Variants in SLC25A42 observed in about 807,000 individuals in gnomAD.
SLC25A42 encodes the protein mitochondrial coenzyme A transporter SLC25A42.
SLC25A42 carries 19 observed loss-of-function variants against 34.7 expected under a neutral mutation model. The ratio of observed to expected loss-of-function variants is 0.55; its 90% confidence interval spans 0.38 to 0.80. SLC25A42 has a LOEUF of 0.80. Among genes scored for constraint, SLC25A42 ranks in the 30% least tolerant of loss-of-function variants. SLC25A42 has a pLI of 0.00. For synonymous variants in SLC25A42, 205 were observed against 191.2 expected (o/e 1.07, Z -0.59); for missense variants, 364 against 441.3 (o/e 0.82, Z 1.57).
At chr19:19,078,694 C>T (rs533453040) in intron 1 of SLC25A42, among the ~76,000 whole-genome samples, 4 of 152,224 alleles carry the variant, frequency 2.6e-5, no homozygotes, top group African/African-American at 9.6e-5. Flanking sequence ...AAAGGGAGAC[C>T]CAAGGTCATG....
intron 1 of SLC25A42, among the ~76,000 whole-genome samples, chr19:19,084,547 C>T (rs1050400034): frequency 1.3e-5 from 2 of 152,154 alleles, no homozygotes; most frequent in Non-Finnish European, 2.9e-5. Flanking sequence ...GAGAGACAGC[C>T]GTCCCTGTGG....
At chr19:19,089,869 A>AAATAACAAAAAC (rs1555766875) in intron 1 of SLC25A42, among the ~76,000 whole-genome samples, 1 of 151,402 alleles carries the variant, frequency 6.6e-6, no homozygotes, top group African/African-American at 2.4e-5. Flanking sequence ...ACTCCGTCTC[A>AAATAACAAAAAC]AAAAACAAAA....
At chr19:19,069,802 A>C (rs1257926582) in intron 1 of SLC25A42, among the ~76,000 whole-genome samples, 1 of 150,010 alleles carries the variant, frequency 6.7e-6, no homozygotes, top group Non-Finnish European at 1.5e-5. Context: ...CTATAGGCGC[A>C]GGCCACCACT....
At chr19:19,082,166 C>T (rs1047658979) in intron 1 of SLC25A42, among the ~76,000 whole-genome samples, 3 of 152,180 alleles carry the variant, frequency 2.0e-5, no homozygotes, top group African/African-American at 7.2e-5. Flanking sequence ...AGGCGTAAAG[C>T]AACACATTTG....
At position 19,105,712 on chromosome 19, in the gene SLC25A42, A is replaced by G. The variant is rs778129613; in HGVS notation, c.365A>G (p.Tyr122Cys). ...EEYKRILGSY[Y>C]GFRGEALPPW... ...TACAAGCGCATCCTGGGCAGCTACT[A>G]TGGCTTCCGTGGAGAGTGAGGCCCC... Residue 122 changes from tyrosine (Y) to cysteine (C), a missense_variant, in exon 5 of 8, where the codon TAT becomes TGT. By Grantham distance (194) the Tyr-to-Cys change is radical (BLOSUM62 -2). Coordinates refer to ENST00000318596, the MANE Select transcript of SLC25A42 (RefSeq NM_178526.5). The G allele has an allele frequency of 1.2e-5, 19 of 1,589,882 alleles. No individual in the cohort carries two copies. Among genetic ancestry groups the G allele is most frequent in the African/African-American group, 4.0e-5 (3 of 74,324 alleles).
chr19:19,110,946 G>C lies in SLC25A42; in HGVS notation c.*70G>C, dbSNP rs756410811. The C allele has an allele frequency of 5.2e-6, 8 of 1,551,568 alleles. No homozygotes were observed. In the East Asian group the frequency reaches 6.8e-5, roughly 13 times the overall value. On this transcript the variant is annotated 3_prime_UTR_variant, in exon 8 of 8. Coordinates refer to ENST00000318596, the MANE Select transcript of SLC25A42 (RefSeq NM_178526.5). ...GTATTCTGGGCCCATGGAACGGTGG[G>C]GGGGTGCGCTTGATTCTACTTCAGG...
chr19:19,097,775 C>T (rs1413227870), intron 2 of SLC25A42, among the ~76,000 whole-genome samples: 9 of 151,986 alleles, frequency 5.9e-5, no homozygotes, highest in Non-Finnish European at 2.9e-5. Context: ...CCAGCCTGGC[C>T]AACATGGTGA....
rs183650044 is a variant in SLC25A42, at chr19:19,070,375, G to A, written c.-35+6260G>A. Among the ~76,000 whole-genome samples the A allele has an allele frequency of 3.5e-5, 5 of 143,034 alleles. No individual in the cohort carries two copies. In the South Asian group the frequency reaches 6.9e-4, roughly 20 times the overall value. 93.8% of individuals were successfully genotyped at this position (143,034 alleles called of 152,430 possible). ...TACAATGGTGTGATCTCGGCTCACC[G>A]CAACCTCCACCTCCCAGGTTCAAGC... On this transcript the variant is annotated intron_variant, in intron 1 of 7. Coordinates refer to ENST00000318596, the MANE Select transcript of SLC25A42 (RefSeq NM_178526.5).
chr19:19,090,414 G>A (rs1350185639), intron 1 of SLC25A42, among the ~76,000 whole-genome samples: 3 of 63,406 alleles, frequency 4.7e-5, no homozygotes, highest in East Asian at 5.6e-4. Flanking sequence ...CAAGTTTTAC[G>A]TGTCTTGGGA....
At chr19:19,082,568 C>A (rs563522630) in intron 1 of SLC25A42, among the ~76,000 whole-genome samples, 5 of 151,958 alleles carry the variant, frequency 3.3e-5, no homozygotes, top group Non-Finnish European at 7.4e-5. Flanking sequence ...TTTGCCATGT[C>A]GACCAGGCTG....
chr19:19,109,493 C>T lies in SLC25A42; in HGVS notation c.650-1076C>T, dbSNP rs1245552997. 1.3e-5 allele frequency among the ~76,000 whole-genome samples: 2 copies of T among 152,142 alleles called. No individual in the cohort carries two copies. Among genetic ancestry groups the T allele is most frequent in the Non-Finnish European group, 2.9e-5 (2 of 68,020 alleles). On this transcript the variant is annotated intron_variant, in intron 7 of 7. Transcript: ENST00000318596. The surrounding 1 kb of genome is among the most constrained non-coding windows in gnomAD (Gnocchi z 4.1). The stretch of plus-strand genomic sequence containing the variant: ...CCGCCCAGGCTGGAGTGCAGTGGAA[C>T]GATCTCAGCTCACTGCAACCTCCAC...
At chr19:19,099,509 A>G (rs1490319655) in intron 2 of SLC25A42, among the ~76,000 whole-genome samples, 1 of 152,130 alleles carries the variant, frequency 6.6e-6, no homozygotes, top group Non-Finnish European at 1.5e-5. Flanking sequence ...TCAGTCGGGC[A>G]GAGCTGGGAT....
chr19:19,066,046 G>A (rs1032645848), intron 1 of SLC25A42, among the ~76,000 whole-genome samples: 7 of 151,968 alleles, frequency 4.6e-5, no homozygotes, highest in Admixed American at 2.6e-4. Context: ...TAATAGAAAC[G>A]GGGTTTCACC....
intron 4 of SLC25A42, 151 bp downstream of exon 4, chr19:19,105,089 G>C: frequency 1.1e-6 from 1 of 948,058 alleles, no homozygotes; most frequent in Non-Finnish European, 1.6e-6. Flanking sequence ...ACACAGCCCA[G>C]CCTGGGAACT....
chr19:19,111,918 GCCT>G lies in SLC25A42; in HGVS notation c.*1044_*1046del, dbSNP rs2059867895. Reference sequence around the variant, plus strand: ...CTAGCCTCAATCCCCCGAAGTGGGAGCCTCATGATAGAGTATAGCTTGGGGGTG... The same window carrying G: ...CTAGCCTCAATCCCCCGAAGTGGGAGCATGATAGAGTATAGCTTGGGGGTG... On this transcript the variant is annotated 3_prime_UTR_variant, in exon 8 of 8. Coordinates refer to ENST00000318596, the MANE Select transcript of SLC25A42 (RefSeq NM_178526.5). The G allele has an allele frequency of 6.6e-6, 1 of 152,238 alleles. No individual in the cohort carries two copies. The highest frequency in any genetic ancestry group is 1.5e-5 in the Non-Finnish European group (1 of 68,074). The allele number at this position is 152,238 out of a possible 1,614,324, so 9.4% of individuals were successfully genotyped here.
intron 2 of SLC25A42, among the ~76,000 whole-genome samples, chr19:19,099,340 TG>T (rs1221495466): frequency 3.3e-5 from 5 of 152,094 alleles, no homozygotes; most frequent in African/African-American, 1.2e-4. Context: ...GAGGGGACCC[TG>T]GGAGCACTGA....
At chr19:19,089,332 C>T (rs1047143373) in intron 1 of SLC25A42, among the ~76,000 whole-genome samples, 2 of 151,924 alleles carry the variant, frequency 1.3e-5, no homozygotes, top group African/African-American at 4.8e-5. Context: ...TCAAGACCAA[C>T]CTGACCAACA....
intron 1 of SLC25A42, among the ~76,000 whole-genome samples, chr19:19,067,146 G>T (rs2059607219): frequency 6.6e-6 from 1 of 152,006 alleles, no homozygotes; most frequent in Non-Finnish European, 1.5e-5. Flanking sequence ...AAGTTTTGTG[G>T]TCTGTCCCAT....
At chr19:19,076,193 T>C (rs2059655517) in intron 1 of SLC25A42, among the ~76,000 whole-genome samples, 1 of 152,094 alleles carries the variant, frequency 6.6e-6, no homozygotes, top group African/African-American at 2.4e-5. Context: ...CCAGGTGTAG[T>C]GGCTCATGCC....
Sources: allele counts gnomAD v4.1 joint callset (sites outside exome capture counted in the v4.1 genomes callset), GRCh38; gene constraint gnomAD v4.1.1; non-coding constraint Gnocchi (gnomAD v3.1); transcripts MANE v1.5; gene names NCBI Gene and HGNC (gene_info 2026-07-23, HGNC 2026-07-21).